The following CXADR variants were observed in gnomAD, a reference collection of about 807,000 sequenced individuals.
The protein encoded by CXADR is coxsackievirus and adenovirus receptor.
Under a neutral mutation model 40.3 loss-of-function variants are expected in CXADR, and 20 were observed. That is an observed-to-expected ratio of 0.50 (90% CI 0.35 to 0.72). The LOEUF is 0.72. Among genes scored for constraint, CXADR ranks in the 30% least tolerant of loss-of-function variants. The pLI, the probability that CXADR is intolerant of heterozygous loss-of-function variation, is 0.01. For missense variants in CXADR, 332 were observed against 449.1 expected, an observed-to-expected ratio of 0.74 and a Z score of 2.36; for synonymous variants, 150 against 161.3, an observed-to-expected ratio of 0.93 and a Z score of 0.53.
the CXADR span, among the ~76,000 whole-genome samples, chr21:17,632,594 G>A: frequency 1.3e-5 from 2 of 152,210 alleles, no homozygotes; most frequent in African/African-American, 2.4e-5. Context: ...GAGGCCGGGC[G>A]TGGTGGCTCA....
At chr21:17,571,691 T>C (rs1030156418), downstream of CXADR, among the ~76,000 whole-genome samples, 5 of 152,220 alleles carry the variant, frequency 3.3e-5, no homozygotes, top group Non-Finnish European at 7.3e-5. Context: ...TCAAACATAC[T>C]TTGTTACTTA....
At position 17,565,622 on chromosome 21, in the gene CXADR, CT is replaced by C. The variant is rs1569136767; in HGVS notation, c.1029del (p.Asn344IlefsTer2). 5 of 1,612,584 alleles carry C rather than the reference CT, an allele frequency of 3.1e-6. No homozygotes were observed. The South Asian group carries it at 5.5e-5, about 18-fold the overall frequency. ...CTCCCACCTGCTAAGGTAGCTGCCC[CT>C]AATCTAAGTCGAATGGGTGCGATTC... ...PTLPPAKVAA[P>X]NLSRMGAIPV... is the part of the protein sequence containing the mutation. On this transcript the variant is annotated frameshift_variant, in exon 7 of 7. Coordinates refer to ENST00000284878, the MANE Select transcript of CXADR (RefSeq NM_001338.5). LOFTEE classifies it high-confidence loss of function.
At chr21:17,598,959 C>T in the CXADR span, 1 of 681,450 alleles carries the variant, frequency 1.5e-6, no homozygotes. Context: ...TGACCCTACA[C>T]ATTTAATATC....
At chr21:17,513,452 T>G (rs916995549) in intron 1 of CXADR, among the ~76,000 whole-genome samples, 11 of 151,982 alleles carry the variant, frequency 7.2e-5, no homozygotes, top group Non-Finnish European at 1.3e-4. Context: ...GCGTGTCGGG[T>G]GCGCCTCGCA....
the CXADR span, among the ~76,000 whole-genome samples, chr21:17,599,727 G>A: frequency 3.9e-5 from 6 of 152,080 alleles, no homozygotes; most frequent in Admixed American, 1.3e-4. Context: ...TGATCCACCC[G>A]CCTCGGCCTC....
At chr21:17,517,705 T>C (rs2060478237) in intron 1 of CXADR, among the ~76,000 whole-genome samples, 1 of 152,148 alleles carries the variant, frequency 6.6e-6, no homozygotes, top group Non-Finnish European at 1.5e-5. Context: ...TTCCTCAAGA[T>C]GAGGGAACAA....
chr21:17,567,663 A>G lies in CXADR; in HGVS notation c.*1971A>G, dbSNP rs1170751830. 46 of 979,142 alleles carry G rather than the reference A, an allele frequency of 4.7e-5. No homozygotes were observed. Among genetic ancestry groups the G allele is most frequent in the Non-Finnish European group, 5.6e-5 (46 of 824,252 alleles). The allele number at this position is 979,142 out of a possible 1,614,324, so 60.7% of individuals were successfully genotyped here. ...TGTTTCTGATTTTATAACAGTAGCCATTTTTGAAAGTCAGATGTTTGGCCT... is the reference window on the plus strand; with the variant it reads ...TGTTTCTGATTTTATAACAGTAGCCGTTTTTGAAAGTCAGATGTTTGGCCT... On this transcript the variant is annotated 3_prime_UTR_variant, in exon 7 of 7. Coordinates refer to ENST00000284878, the MANE Select transcript of CXADR (RefSeq NM_001338.5).
rs754988139 is a variant in CXADR at position 17,568,043 on chromosome 21, C to T, written c.*2351C>T. ...TGAACCAGAGATCAAATATTTGCTC[C>T]CGAATTACTACTGGTAATCAAGTAG... On this transcript the variant is annotated 3_prime_UTR_variant, in exon 7 of 7. Coordinates refer to ENST00000284878, the MANE Select transcript of CXADR (RefSeq NM_001338.5). 48 of 984,696 alleles carry T rather than the reference C, an allele frequency of 4.9e-5. No individual in the cohort carries two copies. The highest frequency in any genetic ancestry group is 1.9e-4 in the Admixed American group (3 of 16,182). 61.0% of individuals were successfully genotyped at this position (984,696 alleles called of 1,614,324 possible). A position where few individuals can be genotyped will look rare whatever the true frequency, so the allele number is the denominator to read the frequency against.
chr21:17,581,823 G>T (rs1451190775), intron 7 of CXADR, among the ~76,000 whole-genome samples: 1 of 312 alleles, frequency 3.2e-3, no homozygotes. Context: ...CCAGCCTGGG[G>T]TGACAAAGGC....
At chr21:17,517,218 C>T (rs1044751970) in intron 1 of CXADR, among the ~76,000 whole-genome samples, 1 of 152,090 alleles carries the variant, frequency 6.6e-6, no homozygotes, top group Non-Finnish European at 1.5e-5. Flanking sequence ...TATAGCAAAA[C>T]GTAAGCTTCT....
the CXADR span, among the ~76,000 whole-genome samples, chr21:17,615,977 G>A: frequency 1.5e-4 from 23 of 152,284 alleles, no homozygotes; most frequent in African/African-American, 5.1e-4. Flanking sequence ...TCGGCGGGTC[G>A]TGGTGGCTCA....
exon 8 of CXADR, chr21:17,593,252 G>C: frequency 7.5e-7 from 1 of 1,330,906 alleles, no homozygotes; most frequent in Non-Finnish European, 9.8e-7. Context: ...TAGGCCTCTA[G>C]TAAAGACTTA....
chr21:17,616,668 G>C, the CXADR span, among the ~76,000 whole-genome samples: 1 of 152,092 alleles, frequency 6.6e-6, no homozygotes, highest in African/African-American at 2.4e-5. Context: ...GTAACATAGA[G>C]GATGTTACGT....
the CXADR span, among the ~76,000 whole-genome samples, chr21:17,628,362 T>C: frequency 6.6e-6 from 1 of 152,210 alleles, no homozygotes; most frequent in African/African-American, 2.4e-5. Context: ...GAGCCACTGG[T>C]ATAGTTCTAG....
intron 1 of CXADR, among the ~76,000 whole-genome samples, chr21:17,536,948 C>T (rs937400020): frequency 4.6e-5 from 7 of 151,838 alleles, no homozygotes; most frequent in Non-Finnish European, 7.4e-5. Flanking sequence ...AATAGAGACG[C>T]GGTTTCACCA....
chr21:17,565,792 A>T lies in CXADR; in HGVS notation c.*100A>T. ...AATTGTGTTACTAGCCTCAAAATAC[A>T]TCAAAAAATAAGTTAATCAGGAACT... On this transcript the variant is annotated 3_prime_UTR_variant, in exon 7 of 7. Transcript: ENST00000284878. The T allele has an allele frequency of 6.8e-7, 1 of 1,476,178 alleles. No individual in the cohort carries two copies. The highest frequency in any genetic ancestry group is 1.5e-5 in the South Asian group (1 of 65,152). The allele number at this position is 1,476,178 out of a possible 1,614,324, so 91.4% of individuals were successfully genotyped here.
chr21:17,618,733 C>A, the CXADR span, among the ~76,000 whole-genome samples: 1 of 152,116 alleles, frequency 6.6e-6, no homozygotes, highest in Middle Eastern at 3.2e-3. Context: ...GACAGGGTTT[C>A]ACCATGTTAG....
intron 7 of CXADR, among the ~76,000 whole-genome samples, chr21:17,587,764 G>T (rs2061408183): frequency 6.6e-6 from 1 of 151,794 alleles, no homozygotes; most frequent in Non-Finnish European, 1.5e-5. Flanking sequence ...GTCAATTTTG[G>T]CTTTTGTTGC....
intron 6 of CXADR, among the ~76,000 whole-genome samples, chr21:17,561,777 A>AG (rs1399278711): frequency 1.3e-5 from 2 of 152,162 alleles, no homozygotes; most frequent in Admixed American, 1.3e-4. Context: ...GTAGGGATGA[A>AG]GTAGATATTG....
Sources: allele counts gnomAD v4.1 joint callset (sites outside exome capture counted in the v4.1 genomes callset), GRCh38; gene constraint gnomAD v4.1.1; transcripts MANE v1.5; gene names NCBI Gene and HGNC (gene_info 2026-07-23, HGNC 2026-07-21).